RBFOX3: variants seen among roughly 807,000 people sequenced by gnomAD.
RBFOX3 encodes RNA binding fox-1 homolog 3.
Under a neutral mutation model 48.7 loss-of-function variants are expected in RBFOX3, and 17 were observed. The observed-to-expected ratio is 0.35, with a 90% CI of 0.24 to 0.52. The LOEUF (loss-of-function observed/expected upper bound fraction) is 0.52. RBFOX3 is among the 20% of genes least tolerant of loss of function. The pLI is 0.94. For missense variants in RBFOX3, 382 were observed against 497.5 expected (o/e 0.77, Z 2.21); for synonymous variants, 212 against 209.5 (o/e 1.01, Z -0.10).
At chr17:79,464,762 G>C (rs1165956712) in intron 2 of RBFOX3, among the ~76,000 whole-genome samples, 1 of 152,228 alleles carries the variant, frequency 6.6e-6, no homozygotes, top group Non-Finnish European at 1.5e-5. Flanking sequence ...GCACACTGAG[G>C]CCAGGGCCTT....
Position 79,584,550 on chromosome 17 carries a change from A to G in RBFOX3, c.-320+26276T>C, listed in dbSNP as rs1002835113. 6.8e-3 allele frequency among the ~76,000 whole-genome samples: 1,024 copies of G among 150,182 alleles called. 9 individuals carry two copies. The highest frequency in any genetic ancestry group is 0.021 in the African/African-American group (877 of 41,014). ...ATGTTATATATACATATGTGTGTGT[A>G]TGTGTGTGTGTGTGTGTGTGTATGA... On this transcript the variant is annotated intron_variant, in intron 1 of 14. Transcript: ENST00000693108.
rs549955980 is a variant in RBFOX3, at chr17:79,403,350, C to T, written c.-175+79104G>A. Among the ~76,000 whole-genome samples the T allele has an allele frequency of 2.0e-5, 3 of 152,340 alleles. No homozygotes were observed. The East Asian group carries it at 5.8e-4, about 29-fold the overall frequency. ...CCGGCAGCAGGGCTGCCCCTGAGGT[C>T]AGGGATCTGTGCAAATTAGAGACGG... is the stretch of plus-strand genomic sequence containing the variant. On this transcript the variant is annotated intron_variant, in intron 2 of 14. Coordinates refer to ENST00000693108, the MANE Select transcript of RBFOX3 (RefSeq NM_001350451.2).
rs528271815 is a variant in RBFOX3, at chr17:79,255,609, C to T, written c.-73-19804G>A. On this transcript the variant is annotated intron_variant, in intron 3 of 14. Transcript: ENST00000693108. ...AATGGGACACTCCATCTTCCCCTGG[C>T]GACCGCGTCTCCCAGGAAGCCTCGG... 1.3e-3 allele frequency among the ~76,000 whole-genome samples: 205 copies of T among 152,188 alleles called. 1 individual carries two copies. Among genetic ancestry groups the T allele is most frequent in the Non-Finnish European group, 2.2e-3 (147 of 68,014 alleles).
At chr17:79,279,957 T>C (rs2069871767) in intron 3 of RBFOX3, among the ~76,000 whole-genome samples, 1 of 152,058 alleles carries the variant, frequency 6.6e-6, no homozygotes, top group South Asian at 2.1e-4. Context: ...GTGTGCCTGG[T>C]GTGTGTGTGT....
chr17:79,621,048 G>C, the RBFOX3 span, among the ~76,000 whole-genome samples: 1 of 150,498 alleles, frequency 6.6e-6, no homozygotes, highest in African/African-American at 2.4e-5. Context: ...GCCCAGGTGG[G>C]AGTGCAGTGG....
Position 79,220,083 on chromosome 17 carries a change from G to T in RBFOX3, c.-34+15683C>A, listed in dbSNP as rs1455073273. Among the ~76,000 whole-genome samples, 3 of 151,974 alleles carry T rather than the reference G, an allele frequency of 2.0e-5. No individual in the cohort carries two copies. The highest frequency in any genetic ancestry group is 1.9e-4 in the East Asian group (1 of 5,150). ...GGTGGCATGGCCTGGGAAGGCACGG[G>T]GTGGGGGGGTGGGGGGAGCACGCTG... On this transcript the variant is annotated intron_variant, in intron 4 of 14. Coordinates refer to ENST00000693108, the MANE Select transcript of RBFOX3 (RefSeq NM_001350451.2). This position sits in a 1 kb window ranked among gnomAD's most constrained non-coding sequence, Gnocchi z 5.9.
intron 2 of RBFOX3, among the ~76,000 whole-genome samples, chr17:79,385,090 G>A (rs2060398678): frequency 6.6e-6 from 1 of 152,210 alleles, no homozygotes; most frequent in African/African-American, 2.4e-5. Flanking sequence ...CGGGTCCCAG[G>A]AATGCCCTGG....
At chr17:79,337,402 T>C (rs1382663177) in intron 2 of RBFOX3, among the ~76,000 whole-genome samples, 2 of 152,234 alleles carry the variant, frequency 1.3e-5, no homozygotes, top group Non-Finnish European at 2.9e-5. Flanking sequence ...CACTCTCGTG[T>C]GTTTGCACTG....
rs146235455 is a variant in RBFOX3 at position 79,202,519 on chromosome 17, C to T, written c.-34+33247G>A. 3.6e-3 allele frequency among the ~76,000 whole-genome samples: 553 copies of T among 152,328 alleles called. 2 individuals are homozygous for T. Among genetic ancestry groups the T allele is most frequent in the Non-Finnish European group, 5.7e-3 (385 of 68,022 alleles). On this transcript the variant is annotated intron_variant, in intron 4 of 14. Transcript: ENST00000693108. Reference sequence around the variant, plus strand: ...CGAAAATTTCACCAACACCATCTCACGAATTCTTACAACAACCCCATGGGA... The same window carrying T: ...CGAAAATTTCACCAACACCATCTCATGAATTCTTACAACAACCCCATGGGA...
chr17:79,206,020 G>C (rs2057435813), intron 4 of RBFOX3, among the ~76,000 whole-genome samples: 1 of 152,112 alleles, frequency 6.6e-6, no homozygotes, highest in Non-Finnish European at 1.5e-5. Context: ...AGGAAATCAG[G>C]CTCATTGAGC....
intron 1 of RBFOX3, among the ~76,000 whole-genome samples, chr17:79,558,397 G>A (rs888670364): frequency 2.6e-5 from 4 of 152,236 alleles, no homozygotes; most frequent in Non-Finnish European, 4.4e-5. Flanking sequence ...GCAGGGAACC[G>A]TCCGGAGGGT....
intron 1 of RBFOX3, among the ~76,000 whole-genome samples, chr17:79,586,407 G>A (rs1259770813): frequency 1.3e-5 from 2 of 152,224 alleles, no homozygotes; most frequent in African/African-American, 4.8e-5. Flanking sequence ...AGCCAAGCAT[G>A]GCCCAGTTCA....
At chr17:79,581,276 A>C (rs1365575409) in intron 1 of RBFOX3, among the ~76,000 whole-genome samples, 2 of 152,048 alleles carry the variant, frequency 1.3e-5, no homozygotes, top group African/African-American at 4.8e-5. Context: ...CAAAAAAACA[A>C]ACAAACCAAA....
chr17:79,312,286 G>GA (rs10634324), intron 2 of RBFOX3, among the ~76,000 whole-genome samples: 19,750 of 143,094 alleles, frequency 0.14, 2,204 homozygotes, highest in African/African-American at 0.29. Context: ...AGCAGATTAA[G>GA]AAAAAAAAAA....
chr17:79,304,658 C>G (rs534343365), intron 3 of RBFOX3, among the ~76,000 whole-genome samples: 1 of 152,224 alleles, frequency 6.6e-6, no homozygotes, highest in South Asian at 2.1e-4. Context: ...AGATACTGAC[C>G]TGACTTTAAT....
At chr17:79,184,335 C>G (rs2052950816) in intron 4 of RBFOX3, among the ~76,000 whole-genome samples, 1 of 152,194 alleles carries the variant, frequency 6.6e-6, no homozygotes. Context: ...ATCCTCCCCT[C>G]CCTGTACCCA....
At chr17:79,433,114 A>T (rs2068764653) in intron 2 of RBFOX3, among the ~76,000 whole-genome samples, 1 of 152,186 alleles carries the variant, frequency 6.6e-6, no homozygotes. Context: ...TGGGACACAG[A>T]CGTCTCTGCA....
chr17:79,314,922 T>A (rs1475848917), intron 2 of RBFOX3, among the ~76,000 whole-genome samples: 1 of 144,744 alleles, frequency 6.9e-6, no homozygotes, highest in Non-Finnish European at 1.5e-5. Flanking sequence ...TTTTTTTTTT[T>A]AAGACTAATG....
intron 1 of RBFOX3, among the ~76,000 whole-genome samples, chr17:79,575,115 A>T (rs1483108349): frequency 2.0e-5 from 3 of 152,210 alleles, no homozygotes; most frequent in Non-Finnish European, 4.4e-5. Context: ...GGGGGCTGTG[A>T]AGCCCCCCAG....
Sources: gnomAD v4.1 joint callset for allele counts (sites outside exome capture counted in the v4.1 genomes callset) on GRCh38, gnomAD v4.1.1 for gene constraint, Gnocchi (gnomAD v3.1) non-coding constraint, MANE v1.5 for transcripts, NCBI Gene and HGNC (gene_info 2026-07-23, HGNC 2026-07-21) for gene names.